GALNT11: variants seen among roughly 807,000 people sequenced by gnomAD.
The protein encoded by GALNT11 is polypeptide N-acetylgalactosaminyltransferase 11.
In GALNT11, 47 loss-of-function variants were observed where a neutral mutation model predicts 72.7. The ratio of observed to expected loss-of-function variants is 0.65; its 90% CI spans 0.51 to 0.82. GALNT11 has a LOEUF of 0.82. Among genes scored for constraint, GALNT11 ranks in the 40% least tolerant of loss-of-function variants. GALNT11 has a pLI of 0.00. For missense variants in GALNT11, 677 were observed against 778.4 expected (o/e 0.87, Z 1.55); for synonymous variants, 270 against 286.6 (o/e 0.94, Z 0.58).
intron 1 of GALNT11, among the ~76,000 whole-genome samples, chr7:152,042,777 A>T (rs1277211916): frequency 6.6e-6 from 1 of 152,174 alleles, no homozygotes; most frequent in East Asian, 1.9e-4. Flanking sequence ...ATAGGTACAG[A>T]AGTTATAATT....
At chr7:152,091,872 G>C (rs946936568) in intron 1 of GALNT11, among the ~76,000 whole-genome samples, 1 of 152,182 alleles carries the variant, frequency 6.6e-6, no homozygotes, top group Non-Finnish European at 1.5e-5. Flanking sequence ...GAAAACACGA[G>C]AAACGACATC....
Position 152,100,877 on chromosome 7 carries a change from C to T in GALNT11, c.375C>T (p.Asp125=). ...ATGCTTTTAATATGCTTATCAGTGA[C>T]CGCTTGGGCTACCACAGAGATGTGC... ...QKHAFNMLIS[D]RLGYHRDVPD... Residue 125 remains aspartate, a synonymous_variant, in exon 3 of 12, where the codon GAC becomes GAT. Transcript: ENST00000430044. 6.2e-7 allele frequency: 1 copy of T among 1,613,952 alleles called. No homozygotes were observed. Among genetic ancestry groups the T allele is most frequent in the Non-Finnish European group, 8.5e-7 (1 of 1,179,932 alleles).
intron 1 of GALNT11, among the ~76,000 whole-genome samples, chr7:152,033,478 C>T (rs1397734500): frequency 1.3e-5 from 2 of 152,168 alleles, no homozygotes; most frequent in African/African-American, 2.4e-5. Flanking sequence ...TTGTTCAGGG[C>T]CCAGGGCTTG....
Position 152,117,274 on chromosome 7 carries a change from G to A in GALNT11, c.1351G>A (p.Val451Ile). ...CKSFKWYLDN[V>I]YPEMQISGSH... is the part of the protein sequence containing the mutation. The stretch of plus-strand genomic sequence containing the variant: ...ATCATTTAAATGGTATTTGGATAAT[G>A]TATACCCAGAGATGCAGATATCTGG... The change falls in exon 9 of 12, where the codon GTA becomes ATA. Residue 451 changes from valine to isoleucine, a missense_variant. Transcript: ENST00000430044. The A allele has an allele frequency of 1.9e-6, 3 of 1,614,180 alleles. No homozygotes were observed. The highest frequency in any genetic ancestry group is 2.2e-5 in the East Asian group (1 of 44,890).
intron 1 of GALNT11, among the ~76,000 whole-genome samples, chr7:152,047,766 A>G (rs886430531): frequency 7.9e-5 from 12 of 152,076 alleles, no homozygotes; most frequent in African/African-American, 2.9e-4. Flanking sequence ...AATATATTTT[A>G]CCTTCATTAC....
intron 5 of GALNT11, among the ~76,000 whole-genome samples, chr7:152,106,320 G>A (rs1452070810): frequency 2.0e-5 from 3 of 152,182 alleles, no homozygotes; most frequent in Non-Finnish European, 4.4e-5. Context: ...GGTTTGTGGT[G>A]GTCGGCACTG....
Position 152,094,519 on chromosome 7 carries a change from T to C in GALNT11, c.292T>C (p.Leu98=). 1 of 1,607,690 alleles carries C rather than the reference T, an allele frequency of 6.2e-7. No individual in the cohort carries two copies. Among genetic ancestry groups the C allele is most frequent in the Non-Finnish European group, 8.5e-7 (1 of 1,176,442 alleles). The change falls in exon 2 of 12, where the codon TTA becomes CTA. Residue 98 remains leucine (L), a synonymous_variant. Transcript: ENST00000430044. This position sits in a 1 kb window ranked among gnomAD's most constrained non-coding sequence, Gnocchi z 4.3. The stretch of plus-strand genomic sequence containing the variant: ...AGGCCACTTGAAATTCTCTTCTGAA[T>C]TAGGTAAGTATATGATGTTTACCAG... ...EEGHLKFSSE[L]GMIFNERDQE...
intron 4 of GALNT11, chr7:152,103,520 T>A: frequency 2.4e-6 from 1 of 415,012 alleles, no homozygotes; most frequent in Non-Finnish European, 4.5e-6. Context: ...AAAACACACC[T>A]CTTTTTATTT....
At chr7:152,062,255 C>T (rs1036145294) in intron 1 of GALNT11, among the ~76,000 whole-genome samples, 1 of 152,080 alleles carries the variant, frequency 6.6e-6, no homozygotes, top group East Asian at 1.9e-4. Context: ...GGAGTTCACG[C>T]ATGATTTGGC....
In GALNT11 at chr7:152,113,327, T is replaced by C. The variant is rs750490377; in HGVS notation, c.1162T>C (p.Ser388Pro). 8 of 1,613,956 alleles carry C rather than the reference T, an allele frequency of 5.0e-6. No homozygotes were observed. Among genetic ancestry groups the C allele is most frequent in the Non-Finnish European group, 6.8e-6 (8 of 1,180,018 alleles). The change falls in exon 8 of 12, where the codon TCT becomes CCT. Residue 388 changes from serine to proline, a missense_variant. Coordinates refer to ENST00000430044, the MANE Select transcript of GALNT11 (RefSeq NM_022087.4). ...TTTCCGAAAAAGGCGACCATATGGA[T>C]CTCCCGAAGGCCAGGACACCATGAC... The part of the protein sequence containing the change: ...HIFRKRRPYG[S>P]PEGQDTMTHN...
intron 1 of GALNT11, among the ~76,000 whole-genome samples, chr7:152,057,842 C>T (rs768276608): frequency 6.6e-6 from 1 of 152,012 alleles, no homozygotes; most frequent in African/African-American, 2.4e-5. Flanking sequence ...TAGTTTTTAC[C>T]TAATGTGCTT....
chr7:152,092,245 C>T (rs1479252028), intron 1 of GALNT11, among the ~76,000 whole-genome samples: 3 of 152,190 alleles, frequency 2.0e-5, no homozygotes, highest in Non-Finnish European at 2.9e-5. Flanking sequence ...AATGTCACTG[C>T]TCTGTACATT....
At chr7:152,078,491 G>A (rs1230184335) in intron 1 of GALNT11, among the ~76,000 whole-genome samples, 2 of 152,176 alleles carry the variant, frequency 1.3e-5, no homozygotes, top group African/African-American at 4.8e-5. Flanking sequence ...ATGAGCCACT[G>A]CGCCCGGCCG....
chr7:152,054,678 ATT>A (rs765064933), intron 1 of GALNT11, among the ~76,000 whole-genome samples: 4 of 143,090 alleles, frequency 2.8e-5, no homozygotes, highest in African/African-American at 2.6e-5. Context: ...TGTCTGGCTA[ATT>A]TTTTTTTTTT....
intron 1 of GALNT11, among the ~76,000 whole-genome samples, chr7:152,039,195 A>G (rs983936698): frequency 2.0e-5 from 3 of 152,210 alleles, no homozygotes; most frequent in Admixed American, 6.5e-5. Flanking sequence ...GGACCAATCA[A>G]TTCCATAGGA....
intron 6 of GALNT11, 24 bp from the exon 7 acceptor site, chr7:152,110,504 G>A (rs1413699793): frequency 3.3e-6 from 5 of 1,536,526 alleles, no homozygotes; most frequent in East Asian, 2.2e-5. Flanking sequence ...TAAGGAATGA[G>A]TACAGTAATT....
intron 1 of GALNT11, among the ~76,000 whole-genome samples, chr7:152,030,377 C>A (rs984755124): frequency 6.6e-6 from 1 of 152,074 alleles, no homozygotes; most frequent in Non-Finnish European, 1.5e-5. Flanking sequence ...AGCTCCTATC[C>A]CTGTATGGCC....
At chr7:152,107,858 C>A in intron 5 of GALNT11, 180 bp from the exon 6 acceptor site, 1 of 625,236 alleles carries the variant, frequency 1.6e-6, no homozygotes, top group Non-Finnish European at 2.8e-6. Context: ...GCATTACTGG[C>A]TGAGGGACGT....
intron 1 of GALNT11, among the ~76,000 whole-genome samples, chr7:152,045,669 C>T (rs1050709007): frequency 3.3e-5 from 5 of 151,718 alleles, no homozygotes; most frequent in Non-Finnish European, 5.9e-5. Flanking sequence ...TTTGGGGCTT[C>T]TCTTTTTTTT....
Sources: allele counts gnomAD v4.1 joint callset (sites outside exome capture counted in the v4.1 genomes callset), GRCh38; gene constraint gnomAD v4.1.1; non-coding constraint Gnocchi (gnomAD v3.1); transcripts MANE v1.5; gene names NCBI Gene and HGNC (gene_info 2026-07-23, HGNC 2026-07-21).